Variants in NUP93 observed in about 807,000 individuals in gnomAD.
The protein encoded by NUP93 is nucleoporin 93.
A neutral mutation model predicts 107.8 loss-of-function variants in NUP93; 55 were observed. The observed-to-expected ratio is 0.51, with a 90% CI of 0.41 to 0.64. The LOEUF (loss-of-function observed/expected upper bound fraction) is 0.64, where lower values mean the gene tolerates loss of function less well. Among genes scored for constraint, NUP93 ranks in the 30% least tolerant of loss-of-function variants. The probability of loss-of-function intolerance (pLI) is 0.00; values close to 1 mark genes in which losing one functional copy is unlikely to be tolerated. For missense variants in NUP93, 937 were observed against 1,044.7 expected, an observed-to-expected ratio of 0.90 and a Z score of 1.42; for synonymous variants, 390 against 397.5, an observed-to-expected ratio of 0.98 and a Z score of 0.22.
At chr16:56,732,555 G>A (rs572948199) in intron 1 of NUP93, among the ~76,000 whole-genome samples, 1 of 152,332 alleles carries the variant, frequency 6.6e-6, no homozygotes, top group Admixed American at 6.5e-5. Context: ...TGCTGGTAGT[G>A]GGTAGAGCAG....
At position 56,771,993 on chromosome 16, in the gene NUP93, T is replaced by C. The variant is rs143526972; in HGVS notation, c.297+13338T>C. On this transcript the variant is annotated intron_variant, in intron 3 of 21. Transcript: ENST00000308159. The stretch of plus-strand genomic sequence containing the variant: ...GTTTTATGCTGGATACCACCTTCTC[T>C]GTTCCCTTCCCTTTCATTCTTTTTC... Among the ~76,000 whole-genome samples, 652 of 152,374 alleles carry C rather than the reference T, an allele frequency of 4.3e-3. 6 individuals carry two copies. Among genetic ancestry groups the C allele is most frequent in the African/African-American group, 0.015 (603 of 41,586 alleles).
chr16:56,730,383 C>A (rs1284225974), intron 1 of NUP93, among the ~76,000 whole-genome samples, 172 bp downstream of exon 1: 1 of 152,316 alleles, frequency 6.6e-6, no homozygotes, highest in Middle Eastern at 3.4e-3. Flanking sequence ...CTTGTCGAGC[C>A]GCCCCCGAGG....
chr16:56,807,264 C>T (rs1483700037), intron 5 of NUP93, among the ~76,000 whole-genome samples: 4 of 152,236 alleles, frequency 2.6e-5, no homozygotes, highest in African/African-American at 9.6e-5. Context: ...GACTGCATGG[C>T]AGTCTCTCTC....
intron 3 of NUP93, among the ~76,000 whole-genome samples, chr16:56,768,437 C>A (rs1332030282): frequency 2.6e-5 from 4 of 152,094 alleles, no homozygotes; most frequent in Admixed American, 2.6e-4. Context: ...GTGGCGCATG[C>A]CTGTAATCCT....
chr16:56,826,460 G>A (rs942469423), intron 8 of NUP93, among the ~76,000 whole-genome samples: 10 of 149,862 alleles, frequency 6.7e-5, no homozygotes, highest in African/African-American at 2.5e-4. Context: ...AGGTTGCAGT[G>A]AGCCGAGATC....
chr16:56,786,068 C>G (rs932444578), intron 3 of NUP93, among the ~76,000 whole-genome samples: 5 of 152,160 alleles, frequency 3.3e-5, no homozygotes, highest in East Asian at 1.9e-4. Context: ...GGTTTTCATT[C>G]TAGCTCTTTG....
In NUP93 at chr16:56,781,895, G is replaced by A. The variant is rs754589487; in HGVS notation, c.298-16581G>A. ...TCTCTGAATTTGTGTAGCGCACAAC[G>A]AATGGTGATGCTGTGCTCCGGGGGC... On this transcript the variant is annotated intron_variant, in intron 3 of 21. Coordinates refer to ENST00000308159, the MANE Select transcript of NUP93 (RefSeq NM_014669.5). The A allele has an allele frequency of 8.7e-5, 86 of 985,246 alleles. 1 individual carries two copies. The highest frequency in any genetic ancestry group is 3.4e-4 in the East Asian group (3 of 8,828). The allele number at this position is 985,246 out of a possible 1,614,324, so 61.0% of individuals were successfully genotyped here.
At chr16:56,739,960 C>A (rs1961690183) in intron 1 of NUP93, among the ~76,000 whole-genome samples, 1 of 121,758 alleles carries the variant, frequency 8.2e-6, no homozygotes, top group Admixed American at 7.7e-5. Context: ...ACCCCCCCCA[C>A]CTCCCTCCCG....
intron 3 of NUP93, among the ~76,000 whole-genome samples, chr16:56,775,454 T>C (rs1274703667): frequency 6.6e-6 from 1 of 152,244 alleles, no homozygotes; most frequent in Non-Finnish European, 1.5e-5. Flanking sequence ...CCATTCTTAC[T>C]ACAGTTTCAG....
At chr16:56,837,890 G>T (rs1963946226) in intron 18 of NUP93, among the ~76,000 whole-genome samples, 164 bp downstream of exon 18, 1 of 152,204 alleles carries the variant, frequency 6.6e-6, no homozygotes, top group South Asian at 2.1e-4. Context: ...GAGTTCCTTT[G>T]TCCCCGCATC....
chr16:56,752,433 T>G (rs1961939331), intron 2 of NUP93, among the ~76,000 whole-genome samples: 1 of 152,192 alleles, frequency 6.6e-6, no homozygotes, highest in Non-Finnish European at 1.5e-5. Flanking sequence ...TACAGTAACA[T>G]GGAGTGATTC....
intron 1 of NUP93, among the ~76,000 whole-genome samples, chr16:56,739,417 C>T (rs1417335420): frequency 9.5e-5 from 4 of 42,114 alleles, no homozygotes; most frequent in East Asian, 7.9e-4. Context: ...ACCTCCCTCC[C>T]GGACGGGGCG....
intron 3 of NUP93, among the ~76,000 whole-genome samples, chr16:56,775,671 A>G (rs1412164505): frequency 1.3e-5 from 2 of 152,208 alleles, no homozygotes; most frequent in Non-Finnish European, 2.9e-5. Context: ...TGGAGAGAAC[A>G]GTGTGGGGAA....
chr16:56,815,661 T>A (rs1198878193), intron 5 of NUP93, among the ~76,000 whole-genome samples: 1 of 152,158 alleles, frequency 6.6e-6, no homozygotes, highest in East Asian at 1.9e-4. Context: ...TGTGTTGAAG[T>A]CTTCCACTTA....
intron 3 of NUP93, among the ~76,000 whole-genome samples, chr16:56,789,754 A>G (rs1384967079): frequency 6.6e-6 from 1 of 152,248 alleles, no homozygotes; most frequent in Non-Finnish European, 1.5e-5. Flanking sequence ...TTTTGAAGTT[A>G]TATATGCAAT....
rs116402042 is a variant in NUP93, at chr16:56,744,924, G to A, written c.-14-3310G>A. 5.9e-3 allele frequency among the ~76,000 whole-genome samples: 896 copies of A among 152,318 alleles called. 12 individuals carry two copies. The highest frequency in any genetic ancestry group is 0.02 in the African/African-American group (848 of 41,564). ...GCAAAGGAGTGCAGGAAGCCTTTGA[G>A]AAGGACAGACTCTCACCAACGGAAG... On this transcript the variant is annotated intron_variant, in intron 1 of 21. Transcript: ENST00000308159.
intron 3 of NUP93, among the ~76,000 whole-genome samples, chr16:56,777,881 C>T (rs1486997156): frequency 2.0e-5 from 3 of 152,210 alleles, no homozygotes; most frequent in African/African-American, 4.8e-5. Flanking sequence ...ATATTTAGCT[C>T]CCCTTTAAGT....
intron 3 of NUP93, among the ~76,000 whole-genome samples, chr16:56,784,135 C>T (rs1304986870): frequency 6.6e-6 from 1 of 152,070 alleles, no homozygotes; most frequent in South Asian, 2.1e-4. Flanking sequence ...GAATTTGTCA[C>T]TAGTCATGAA....
intron 12 of NUP93, among the ~76,000 whole-genome samples, chr16:56,832,675 G>A (rs1963819727): frequency 6.6e-6 from 1 of 152,204 alleles, no homozygotes; most frequent in African/African-American, 2.4e-5. Flanking sequence ...AGAAGACTTA[G>A]CTGTTGCTTC....
Sources: gnomAD v4.1 joint callset for allele counts (sites outside exome capture counted in the v4.1 genomes callset) on GRCh38, gnomAD v4.1.1 for gene constraint, MANE v1.5 for transcripts, NCBI Gene and HGNC (gene_info 2026-07-23, HGNC 2026-07-21) for gene names.